The following CDH4 variants were observed in gnomAD, a reference collection of about 807,000 sequenced individuals.
CDH4 encodes cadherin 4.
Under a neutral mutation model 86.0 loss-of-function variants are expected in CDH4, and 33 were observed. The observed-to-expected ratio is 0.38, with a 90% CI of 0.29 to 0.51. The LOEUF (loss-of-function observed/expected upper bound fraction) is 0.51, where lower values mean the gene tolerates loss of function less well. CDH4 is among the 20% of genes least tolerant of loss of function. The probability of loss-of-function intolerance (pLI) is 0.86; values close to 1 mark genes in which losing one functional copy is unlikely to be tolerated. For missense variants in CDH4, 1,114 were observed against 1,307.4 expected (o/e 0.85, Z 2.28); for synonymous variants, 555 against 549.4 (o/e 1.01, Z -0.14).
chr20:61,885,053 C>T (rs73917252), intron 7 of CDH4, among the ~76,000 whole-genome samples: 5,959 of 152,212 alleles, frequency 0.039, 354 homozygotes, highest in African/African-American at 0.13. Flanking sequence ...ACCCCACCAG[C>T]TCGGTGATCC....
chr20:61,263,304 T>C (rs2084138195), intron 2 of CDH4, among the ~76,000 whole-genome samples: 1 of 152,182 alleles, frequency 6.6e-6, no homozygotes, highest in African/African-American at 2.4e-5. Context: ...CCTCCGGTAT[T>C]GTCTCTGGCT....
At chr20:61,428,559 C>G (rs1447155225) in intron 2 of CDH4, among the ~76,000 whole-genome samples, 2 of 152,186 alleles carry the variant, frequency 1.3e-5, no homozygotes, top group Non-Finnish European at 2.9e-5. Flanking sequence ...ATACTCCTAG[C>G]ATGGAATACT....
At chr20:61,622,462 C>T (rs1032813099) in intron 2 of CDH4, among the ~76,000 whole-genome samples, 1 of 152,240 alleles carries the variant, frequency 6.6e-6, no homozygotes, top group African/African-American at 2.4e-5. Context: ...GATGTCAGGA[C>T]ATGATGGAGC....
intron 2 of CDH4, among the ~76,000 whole-genome samples, chr20:61,616,471 T>C (rs562396457): frequency 2.4e-3 from 360 of 152,250 alleles, no homozygotes; most frequent in Middle Eastern, 0.01. Flanking sequence ...CCTGTGGGAG[T>C]TGGGGAAGGC....
intron 2 of CDH4, among the ~76,000 whole-genome samples, chr20:61,649,329 C>A (rs1039546626): frequency 6.6e-6 from 1 of 152,232 alleles, no homozygotes; most frequent in South Asian, 2.1e-4. Context: ...TTCAAAGAGG[C>A]GTGCTGGGCT....
At chr20:61,565,130 G>T (rs1441513748) in intron 2 of CDH4, among the ~76,000 whole-genome samples, 1 of 143,158 alleles carries the variant, frequency 7.0e-6, no homozygotes, top group African/African-American at 2.6e-5. Flanking sequence ...TCTTGGTGGT[G>T]CTGGTCCTCT....
intron 2 of CDH4, among the ~76,000 whole-genome samples, chr20:61,353,688 C>T (rs1568810408): frequency 5.0e-5 from 2 of 39,892 alleles, no homozygotes; most frequent in African/African-American, 1.1e-4. Flanking sequence ...TCCTCCCCCT[C>T]CTCCTCCCCT....
chr20:61,410,468 TC>T (rs2085112205), intron 2 of CDH4, among the ~76,000 whole-genome samples: 1 of 84,614 alleles, frequency 1.2e-5, no homozygotes, highest in Admixed American at 1.3e-4. Flanking sequence ...CATCCATCCA[TC>T]CTCTCACTTG....
intron 2 of CDH4, among the ~76,000 whole-genome samples, chr20:61,649,005 T>C (rs567766806): frequency 6.6e-6 from 1 of 152,322 alleles, no homozygotes; most frequent in Admixed American, 6.5e-5. Context: ...CCTCCTCTCC[T>C]CCAAATTTAA....
At chr20:61,762,812 C>G (rs1197342097) in intron 3 of CDH4, among the ~76,000 whole-genome samples, 1 of 152,260 alleles carries the variant, frequency 6.6e-6, no homozygotes, top group Non-Finnish European at 1.5e-5. Context: ...CCCCAAAGAG[C>G]CACTTTCTTG....
rs541282667 is a variant in CDH4, at chr20:61,899,373, A to G, written c.1188+4326A>G. Among the ~76,000 whole-genome samples the G allele has an allele frequency of 1.0e-3, 156 of 152,102 alleles. 1 individual carries two copies. Among genetic ancestry groups the G allele is most frequent in the Non-Finnish European group, 2.0e-3 (133 of 67,986 alleles). ...ATAAGACATATTTTGTTTTTACTGT[A>G]TGTCTTTTGTGAATGATCTATTCCC... On this transcript the variant is annotated intron_variant, in intron 8 of 15. Coordinates refer to ENST00000614565, the MANE Select transcript of CDH4 (RefSeq NM_001794.5).
At position 61,929,599 on chromosome 20, in the gene CDH4, T is replaced by C; in HGVS notation, c.2006-10T>C. On this transcript the variant is annotated splice_polypyrimidine_tract_variant and intron_variant, in intron 12 of 15. Coordinates refer to ENST00000614565, the MANE Select transcript of CDH4 (RefSeq NM_001794.5). Reference sequence around the variant, plus strand: ...GCTCTGGTTGAATGTTTACTGTTGCTTTGCACCAGGTGACTATGCCCAACT... The same window carrying C: ...GCTCTGGTTGAATGTTTACTGTTGCCTTGCACCAGGTGACTATGCCCAACT... 6.2e-7 allele frequency: 1 copy of C among 1,608,302 alleles called. No homozygotes were observed. The highest frequency in any genetic ancestry group is 2.2e-5 in the East Asian group (1 of 44,854).
At chr20:61,345,090 T>C (rs1228977363) in intron 2 of CDH4, among the ~76,000 whole-genome samples, 1 of 152,244 alleles carries the variant, frequency 6.6e-6, no homozygotes, top group Non-Finnish European at 1.5e-5. Context: ...GATTCCTAGC[T>C]GTCTCTTTCG....
chr20:61,786,178 C>T (rs895597561), intron 4 of CDH4, among the ~76,000 whole-genome samples: 1 of 152,154 alleles, frequency 6.6e-6, no homozygotes, highest in Non-Finnish European at 1.5e-5. Context: ...ACAGCGTCTC[C>T]TTCCGCAGCA....
intron 8 of CDH4, among the ~76,000 whole-genome samples, chr20:61,903,669 C>T (rs140425646): frequency 7.8e-4 from 118 of 151,948 alleles, no homozygotes; most frequent in African/African-American, 2.6e-3. Flanking sequence ...AAACAAAAAC[C>T]GTGAAGGTGA....
At chr20:61,604,739 T>C (rs936049515) in intron 2 of CDH4, among the ~76,000 whole-genome samples, 2 of 152,186 alleles carry the variant, frequency 1.3e-5, no homozygotes, top group Admixed American at 6.5e-5. Context: ...TGTCATTTCT[T>C]GGACAAGTCA....
Position 61,682,251 on chromosome 20 carries a change from C to T in CDH4, c.170-61312C>T, listed in dbSNP as rs189349885. 2.5e-3 allele frequency among the ~76,000 whole-genome samples: 360 copies of T among 146,454 alleles called. 1 individual carries two copies. Among genetic ancestry groups the T allele is most frequent in the Non-Finnish European group, 4.0e-3 (268 of 66,850 alleles). ...ATGGATGGATGGTTGGACAAGTGGA[C>T]GGATGGATAGAGGAACAGATGGATG... On this transcript the variant is annotated intron_variant, in intron 2 of 15. Coordinates refer to ENST00000614565, the MANE Select transcript of CDH4 (RefSeq NM_001794.5).
intron 2 of CDH4, among the ~76,000 whole-genome samples, chr20:61,551,214 C>T (rs756538370): frequency 9.9e-5 from 15 of 152,172 alleles, no homozygotes; most frequent in East Asian, 1.9e-4. Context: ...TTATTTTGTG[C>T]GTTTCAGTCC....
Position 61,565,314 on chromosome 20 carries a change from TGGC to T in CDH4, c.170-178246_170-178244del, listed in dbSNP as rs2086281061. Reference sequence around the variant, plus strand: ...ATGGTGGTGGCGGTGCTCTTGGTGGTGGCGGTGCTCTTGGTGATGGTGGTAGTG... The same window carrying T: ...ATGGTGGTGGCGGTGCTCTTGGTGGTGGTGCTCTTGGTGATGGTGGTAGTG... On this transcript the variant is annotated intron_variant, in intron 2 of 15. Transcript: ENST00000614565. Among the ~76,000 whole-genome samples the T allele has an allele frequency of 4.4e-5, 5 of 114,714 alleles. 1 individual carries two copies. Among genetic ancestry groups the T allele is most frequent in the South Asian group, 3.6e-4 (1 of 2,742 alleles). 75.3% of individuals were successfully genotyped at this position (114,714 alleles called of 152,430 possible).
Sources: allele counts gnomAD v4.1 joint callset (sites outside exome capture counted in the v4.1 genomes callset), GRCh38; gene constraint gnomAD v4.1.1; transcripts MANE v1.5; gene names NCBI Gene and HGNC (gene_info 2026-07-23, HGNC 2026-07-21).